Variants in CLNK observed in about 807,000 individuals in gnomAD.
CLNK encodes cytokine dependent hematopoietic cell linker.
In CLNK, 74 loss-of-function variants were observed where a neutral mutation model predicts 68.6. That is an observed-to-expected ratio of 1.08 (90% CI 0.89 to 1.31). CLNK has a LOEUF of 1.31. Among genes scored for constraint, CLNK ranks in the 50% most tolerant of loss-of-function variants. The pLI, the probability that CLNK is intolerant of heterozygous loss-of-function variation, is 0.00. For synonymous variants in CLNK, 198 were observed against 172.2 expected (o/e 1.15, Z -1.17); for missense variants, 553 against 515.3 (o/e 1.07, Z -0.71).
At chr4:10,523,289 T>G (rs1157955597) in intron 14 of CLNK, among the ~76,000 whole-genome samples, 3 of 152,192 alleles carry the variant, frequency 2.0e-5, no homozygotes, top group Non-Finnish European at 2.9e-5. Flanking sequence ...TTTCCACCAT[T>G]GTGAGTCTGT....
chr4:10,667,951 A>C, intron 1 of CLNK, 40 bp from the exon 2 acceptor site: 1 of 1,146,002 alleles, frequency 8.7e-7, no homozygotes, highest in Non-Finnish European at 1.2e-6. Flanking sequence ...GAACTTCCAC[A>C]TCATGTTTTA....
intron 18 of CLNK, 88 bp from the exon 19 acceptor site, chr4:10,490,701 G>A (rs1716532896): frequency 2.9e-6 from 3 of 1,051,818 alleles, no homozygotes; most frequent in Non-Finnish European, 2.7e-6. Context: ...CATTTTGCAT[G>A]GGGAAGAGGT....
At chr4:10,538,485 C>T (rs902970931) in intron 11 of CLNK, among the ~76,000 whole-genome samples, 1 of 152,148 alleles carries the variant, frequency 6.6e-6, no homozygotes, top group African/African-American at 2.4e-5. Flanking sequence ...TTTGATCAGT[C>T]CTTTACGTAT....
the CLNK span, among the ~76,000 whole-genome samples, chr4:10,717,582 C>A: frequency 6.6e-6 from 1 of 151,918 alleles, no homozygotes; most frequent in Non-Finnish European, 1.5e-5. Context: ...GGTGACAGGG[C>A]GAGACTCCAA....
the CLNK span, among the ~76,000 whole-genome samples, chr4:10,726,761 C>G: frequency 1.3e-5 from 2 of 152,258 alleles, no homozygotes; most frequent in Non-Finnish European, 2.9e-5. Context: ...CATGCCCCTC[C>G]ACCTCCACCC....
the CLNK span, among the ~76,000 whole-genome samples, chr4:10,729,136 T>A: frequency 6.6e-6 from 1 of 152,210 alleles, no homozygotes; most frequent in Non-Finnish European, 1.5e-5. Context: ...TGAGAATGGC[T>A]GCTTCCTCTT....
chr4:10,604,536 C>T (rs1009311689), intron 2 of CLNK, among the ~76,000 whole-genome samples: 1 of 151,874 alleles, frequency 6.6e-6, no homozygotes, highest in African/African-American at 2.4e-5. Context: ...GCTTGATCTG[C>T]CCATCCTGGA....
rs191769655 is a variant in CLNK, at chr4:10,637,802, C to T, written c.11+30057G>A. On this transcript the variant is annotated intron_variant, in intron 2 of 18. Transcript: ENST00000226951. ...TAGTTTTAGTAGAGATGGGGTTTCA[C>T]CGTGTTAGCCAGGATGGTCTCGATC... 3.8e-3 allele frequency among the ~76,000 whole-genome samples: 514 copies of T among 134,830 alleles called. 5 individuals carry two copies. The highest frequency in any genetic ancestry group is 0.015 in the African/African-American group (482 of 32,138). The allele number at this position is 134,830 out of a possible 152,430, so 88.5% of individuals were successfully genotyped here.
chr4:10,685,559 G>A (rs1725239278), upstream of CLNK, among the ~76,000 whole-genome samples: 1 of 152,072 alleles, frequency 6.6e-6, no homozygotes, highest in South Asian at 2.1e-4. Flanking sequence ...CTGGAGACTT[G>A]ACATTCTAGT....
chr4:10,569,259 G>C (rs1005466594), intron 5 of CLNK, among the ~76,000 whole-genome samples: 1 of 142,810 alleles, frequency 7.0e-6, no homozygotes, highest in Non-Finnish European at 1.5e-5. Context: ...ACAGACCATT[G>C]GTACTGCACA....
At chr4:10,645,735 G>C (rs1021275949) in intron 2 of CLNK, among the ~76,000 whole-genome samples, 1 of 152,146 alleles carries the variant, frequency 6.6e-6, no homozygotes, top group Admixed American at 6.5e-5. Flanking sequence ...CAAAAATACA[G>C]TTAGATAGAA....
chr4:10,653,909 T>C (rs936341618), intron 2 of CLNK, among the ~76,000 whole-genome samples: 2 of 152,170 alleles, frequency 1.3e-5, no homozygotes, highest in Non-Finnish European at 2.9e-5. Flanking sequence ...CAACAAAAAT[T>C]ACTCATGAGG....
At chr4:10,721,710 T>C in the CLNK span, among the ~76,000 whole-genome samples, 1 of 152,234 alleles carries the variant, frequency 6.6e-6, no homozygotes, top group African/African-American at 2.4e-5. Context: ...TCGAGTTGTA[T>C]GTTAGGCGTT....
At position 10,655,334 on chromosome 4, in the gene CLNK, C is replaced by CAGAGAGAGAGAGAGAGAGAG. The variant is rs148877353; in HGVS notation, c.11+12505_11+12524dup. 2.1e-3 allele frequency among the ~76,000 whole-genome samples: 286 copies of CAGAGAGAGAGAGAGAGAGAG among 135,332 alleles called. 1 individual carries two copies. The highest frequency in any genetic ancestry group is 0.013 in the Admixed American group (156 of 12,354). The allele number at this position is 135,332 out of a possible 152,430, so 88.8% of individuals were successfully genotyped here. ...AATTCCGGCCTAAAACCCCCAAAGACAGAGAGAGAGAGAGAGAGAGAGAGA... is the reference window on the plus strand; with the variant it reads ...AATTCCGGCCTAAAACCCCCAAAGACAGAGAGAGAGAGAGAGAGAGAGAGAGAGAGAGAGAGAGAGAGAGA... On this transcript the variant is annotated intron_variant, in intron 2 of 18. Transcript: ENST00000226951.
chr4:10,656,138 G>A (rs1723975143), intron 2 of CLNK, among the ~76,000 whole-genome samples: 2 of 152,050 alleles, frequency 1.3e-5, no homozygotes, highest in African/African-American at 4.8e-5. Context: ...ATGATCTCAT[G>A]TTAAGTTTCT....
At position 10,678,813 on chromosome 4, in the gene CLNK, G is replaced by A. The variant is rs1724973146; in HGVS notation, c.-43+5855C>T. 2.0e-5 allele frequency among the ~76,000 whole-genome samples: 3 copies of A among 152,112 alleles called. No homozygotes were observed. The South Asian group carries it at 6.2e-4, about 32-fold the overall frequency. The stretch of plus-strand genomic sequence containing the variant: ...AAAATAAAATACTTACAAGGGATGT[G>A]AAGGACCTCTTCAAGGAGAACTACA... On this transcript the variant is annotated intron_variant, in intron 1 of 18. Transcript: ENST00000226951.
At chr4:10,521,715 G>A (rs941549680) in intron 14 of CLNK, among the ~76,000 whole-genome samples, 3 of 152,190 alleles carry the variant, frequency 2.0e-5, no homozygotes. Flanking sequence ...ATACTATGCT[G>A]TCACCGCCAG....
chr4:10,490,851 G>A (rs1317919561), intron 18 of CLNK, among the ~76,000 whole-genome samples: 3 of 152,088 alleles, frequency 2.0e-5, no homozygotes, highest in African/African-American at 7.2e-5. Flanking sequence ...TGCAACCTCC[G>A]CCTCCCGTGT....
chr4:10,690,104 C>T, the CLNK span, among the ~76,000 whole-genome samples: 1 of 152,078 alleles, frequency 6.6e-6, no homozygotes, highest in Non-Finnish European at 1.5e-5. Context: ...ATTTTCATGG[C>T]TGCTAAGAAA....
Sources: gnomAD v4.1 joint callset for allele counts (sites outside exome capture counted in the v4.1 genomes callset) on GRCh38, gnomAD v4.1.1 for gene constraint, MANE v1.5 for transcripts, NCBI Gene and HGNC (gene_info 2026-07-23, HGNC 2026-07-21) for gene names.